NPC1: variants seen among roughly 807,000 people sequenced by gnomAD.
The protein encoded by NPC1 is NPC intracellular cholesterol transporter 1.
NPC1 carries 85 observed loss-of-function variants against 140.4 expected under a neutral mutation model. The ratio of observed to expected loss-of-function variants is 0.61; its 90% confidence interval spans 0.51 to 0.72. NPC1 has a LOEUF of 0.72. Among genes scored for constraint, NPC1 ranks in the 30% least tolerant of loss-of-function variants. The pLI is 0.00. For synonymous variants in NPC1, 656 were observed against 624.8 expected (o/e 1.05, Z -0.74); for missense variants, 1,504 against 1,623.8 (o/e 0.93, Z 1.27).
chr18:23,555,072 G>C (rs1189055678), intron 8 of NPC1, 88 bp from the exon 9 acceptor site: 2 of 847,656 alleles, frequency 2.4e-6, no homozygotes, highest in South Asian at 2.8e-5. Context: ...CTGAGGGTCA[G>C]AAGACAAAGA....
At chr18:23,571,639 G>C (rs969659046) in intron 3 of NPC1, among the ~76,000 whole-genome samples, 1 of 138,852 alleles carries the variant, frequency 7.2e-6, no homozygotes, top group Non-Finnish European at 1.5e-5. Context: ...CGGTGACAGA[G>C]CAAGAGTCTG....
chr18:23,574,547 G>T (rs895733561), intron 1 of NPC1, among the ~76,000 whole-genome samples: 1 of 152,138 alleles, frequency 6.6e-6, no homozygotes, highest in Non-Finnish European at 1.5e-5. Context: ...AGTCTGTGTT[G>T]GTCCTTCAGT....
At chr18:23,524,075 G>T in intron 1 of NPC1, 1 of 1,563,484 alleles carries the variant, frequency 6.4e-7, no homozygotes. Context: ...ATAAGTACCA[G>T]CATTTGCAGC....
chr18:23,561,348 C>A lies in NPC1; in HGVS notation c.631+12G>T, dbSNP rs1174820631. The A allele has an allele frequency of 6.2e-7, 1 of 1,613,888 alleles. No individual in the cohort carries two copies. Among genetic ancestry groups the A allele is most frequent in the Admixed American group, 1.7e-5 (1 of 60,002 alleles). On this transcript the variant is annotated intron_variant, in intron 5 of 24. Coordinates refer to ENST00000269228, the MANE Select transcript of NPC1 (RefSeq NM_000271.5). ...ATCATAAACACACCAAACTTGGAATCTTTATACCTACCTGAAAACACAGGA... is the reference window on the plus strand; with the variant it reads ...ATCATAAACACACCAAACTTGGAATATTTATACCTACCTGAAAACACAGGA...
chr18:23,543,535 T>TG lies in NPC1; in HGVS notation c.2164dup (p.Gln722ProfsTer21). 6.2e-7 allele frequency: 1 copy of TG among 1,608,712 alleles called. No homozygotes were observed. On this transcript the variant is annotated frameshift_variant, in exon 14 of 25. Coordinates refer to ENST00000269228, the MANE Select transcript of NPC1 (RefSeq NM_000271.5). LOFTEE classifies it high-confidence loss of function. ...TTCTCCTAGGACCCTGCCCAGCTGCTGATCCAGGGTTTCCCCTTGAAGACG... is the reference window on the plus strand; with the variant it reads ...TTCTCCTAGGACCCTGCCCAGCTGCTGGATCCAGGGTTTCCCCTTGAAGACG...
Position 23,532,103 on chromosome 18 carries a change from C to T in NPC1, c.*99G>A. On this transcript the variant is annotated 3_prime_UTR_variant, in exon 25 of 25. Coordinates refer to ENST00000269228, the MANE Select transcript of NPC1 (RefSeq NM_000271.5). The stretch of plus-strand genomic sequence containing the variant: ...GCTGCCAAACAACCGATGGTTGGCA[C>T]CATCCGGTGTTCAACTTGGCCTTGC... 2 of 1,613,458 alleles carry T rather than the reference C, an allele frequency of 1.2e-6. No homozygotes were observed. Among genetic ancestry groups the T allele is most frequent in the East Asian group, 2.2e-5 (1 of 44,872 alleles).
At chr18:23,540,095 G>C in intron 17 of NPC1, 94 bp from the exon 18 acceptor site, 3 of 1,109,772 alleles carry the variant, frequency 2.7e-6, no homozygotes, top group Non-Finnish European at 4.0e-6. Context: ...GTGCCAGGAG[G>C]TTCCTGGCTG....
At chr18:23,574,609 A>T (rs2059248741) in intron 1 of NPC1, among the ~76,000 whole-genome samples, 1 of 152,202 alleles carries the variant, frequency 6.6e-6, no homozygotes, top group African/African-American at 2.4e-5. Flanking sequence ...CATGAGAAAA[A>T]GTCAGCAGGA....
chr18:23,561,922 G>A (rs972413558), intron 4 of NPC1, among the ~76,000 whole-genome samples: 1 of 152,156 alleles, frequency 6.6e-6, no homozygotes, highest in African/African-American at 2.4e-5. Context: ...TCTGCCGCAG[G>A]AAGCTACACA....
At position 23,531,582 on chromosome 18, in the gene NPC1, T is replaced by C. The variant is rs1182427253; in HGVS notation, c.*620A>G. On this transcript the variant is annotated 3_prime_UTR_variant, in exon 25 of 25. Coordinates refer to ENST00000269228, the MANE Select transcript of NPC1 (RefSeq NM_000271.5). ...ACGAGATGCTTTCTTTGTCCCTCATTTCATGCCACATCTAACTGGCAATTA... is the reference window on the plus strand; with the variant it reads ...ACGAGATGCTTTCTTTGTCCCTCATCTCATGCCACATCTAACTGGCAATTA... 39 of 1,599,814 alleles carry C rather than the reference T, an allele frequency of 2.4e-5. No homozygotes were observed. The highest frequency in any genetic ancestry group is 3.2e-5 in the Non-Finnish European group (38 of 1,175,002).
chr18:23,584,816 G>A (rs907799113), intron 1 of NPC1, among the ~76,000 whole-genome samples: 5 of 152,116 alleles, frequency 3.3e-5, no homozygotes, highest in Admixed American at 6.5e-5. Flanking sequence ...CCGAGATTGC[G>A]CCACTACACT....
chr18:23,554,698 C>T (rs1230356680), intron 9 of NPC1, 60 bp downstream of exon 9: 1 of 1,328,202 alleles, frequency 7.5e-7, no homozygotes, highest in African/African-American at 1.4e-5. Context: ...AGCTTTTGCC[C>T]ATGTACCCTA....
chr18:23,510,027 A>G (rs2057810562), intron 3 of NPC1, among the ~76,000 whole-genome samples: 1 of 150,698 alleles, frequency 6.6e-6, no homozygotes, highest in Admixed American at 6.6e-5. Flanking sequence ...ATTAAAAAAA[A>G]AAAAAAGAAA....
intron 4 of NPC1, among the ~76,000 whole-genome samples, chr18:23,562,099 C>T (rs561248598): frequency 2.6e-4 from 40 of 152,062 alleles, no homozygotes; most frequent in South Asian, 8.3e-4. Context: ...ACCAACCTGG[C>T]TAACACAGTG....
At chr18:23,541,458 G>C in intron 14 of NPC1, 25 bp from the exon 15 acceptor site, 3 of 1,614,094 alleles carry the variant, frequency 1.9e-6, no homozygotes, top group Non-Finnish European at 2.5e-6. Context: ...AGGGCTCTGC[G>C]TCACTTCTGT....
chr18:23,538,793 G>A (rs1043042035), intron 19 of NPC1, 122 bp from the exon 20 acceptor site: 14 of 1,039,258 alleles, frequency 1.3e-5, no homozygotes, highest in Non-Finnish European at 2.1e-5. Flanking sequence ...TTCCTTACTA[G>A]TGAGGGATAA....
intron 1 of NPC1, among the ~76,000 whole-genome samples, chr18:23,574,297 G>A (rs539810539): frequency 2.2e-4 from 34 of 152,150 alleles, no homozygotes; most frequent in African/African-American, 7.0e-4. Flanking sequence ...TGCCCAAAAC[G>A]CACCTGATCC....
intron 10 of NPC1, among the ~76,000 whole-genome samples, chr18:23,550,591 C>G (rs1426393302): frequency 6.8e-6 from 1 of 147,468 alleles, no homozygotes; most frequent in Non-Finnish European, 1.5e-5. Flanking sequence ...ACACCACTCT[C>G]CTGCCTCAGC....
At chr18:23,543,399 C>G in intron 14 of NPC1, 56 bp downstream of exon 14, 1 of 1,000,018 alleles carries the variant, frequency 1.0e-6, no homozygotes. Context: ...TAGCCAGCTC[C>G]TTCTTTCTCC....
Sources: gnomAD v4.1 joint callset for allele counts (sites outside exome capture counted in the v4.1 genomes callset) on GRCh38, gnomAD v4.1.1 for gene constraint, MANE v1.5 for transcripts, NCBI Gene and HGNC (gene_info 2026-07-23, HGNC 2026-07-21) for gene names.